The following LDLRAD4 variants were observed in gnomAD, a reference collection of about 807,000 sequenced individuals.
The protein encoded by LDLRAD4 is low density lipoprotein receptor class A domain containing 4, also known as low-density lipoprotein receptor class A domain-containing protein 4.
LDLRAD4 carries 5 observed loss-of-function variants against 17.0 expected under a neutral mutation model. The ratio of observed to expected loss-of-function variants is 0.29; its 90% CI spans 0.15 to 0.62. The LOEUF is 0.62. LDLRAD4 is among the 20% of genes least tolerant of loss of function. The probability of loss-of-function intolerance (pLI) is 0.84; values close to 1 mark genes in which losing one functional copy is unlikely to be tolerated. For missense variants in LDLRAD4, 340 were observed against 424.7 expected, an observed-to-expected ratio of 0.80 and a Z score of 1.75; for synonymous variants, 168 against 171.8, an observed-to-expected ratio of 0.98 and a Z score of 0.17.
At chr18:13,456,621 C>A (rs747647237) in intron 3 of LDLRAD4, among the ~76,000 whole-genome samples, 31 of 152,092 alleles carry the variant, frequency 2.0e-4, no homozygotes, top group Non-Finnish European at 3.1e-4. Flanking sequence ...TATTTTTGGT[C>A]CCTGAATGTC....
At chr18:13,616,960 A>T (rs1601734744) in intron 3 of LDLRAD4, among the ~76,000 whole-genome samples, 1 of 152,128 alleles carries the variant, frequency 6.6e-6, no homozygotes, top group South Asian at 2.1e-4. Flanking sequence ...CTGTAGATGC[A>T]CCTGCCACGG....
intron 1 of LDLRAD4, among the ~76,000 whole-genome samples, chr18:13,305,474 T>C (rs1172339344): frequency 6.6e-6 from 1 of 152,198 alleles, no homozygotes; most frequent in Non-Finnish European, 1.5e-5. Flanking sequence ...ACAGTAAATT[T>C]CATGTCACAG....
chr18:13,316,518 A>T (rs113103555), intron 1 of LDLRAD4, among the ~76,000 whole-genome samples: 1,538 of 152,316 alleles, frequency 0.01, 14 homozygotes, highest in African/African-American at 0.026. Flanking sequence ...GTAGGAGGGA[A>T]TGCAGAGCCA....
chr18:13,642,128 G>A (rs190659646), intron 4 of LDLRAD4: 15,204 of 985,518 alleles, frequency 0.015, 113 homozygotes, highest in Middle Eastern at 0.029. Context: ...CTGGACCGCC[G>A]TATACGTTTG....
At chr18:13,313,441 C>T (rs576945229) in intron 1 of LDLRAD4, among the ~76,000 whole-genome samples, 18 of 152,272 alleles carry the variant, frequency 1.2e-4, no homozygotes, top group East Asian at 3.9e-4. Flanking sequence ...ACCATTCAGA[C>T]GTGCCCTTGA....
chr18:13,459,616 C>T (rs1210464633), intron 3 of LDLRAD4, among the ~76,000 whole-genome samples: 5 of 152,088 alleles, frequency 3.3e-5, no homozygotes, highest in Non-Finnish European at 1.5e-5. Flanking sequence ...CTCCTGGCCT[C>T]AGGTAATCTG....
At chr18:13,539,119 G>GTGCT (rs541694302) in intron 3 of LDLRAD4, among the ~76,000 whole-genome samples, 108 of 152,308 alleles carry the variant, frequency 7.1e-4, no homozygotes, top group Non-Finnish European at 1.3e-3. Flanking sequence ...TCAGAGTAGA[G>GTGCT]TGATTGCTTT....
intron 2 of LDLRAD4, among the ~76,000 whole-genome samples, chr18:13,400,498 G>A (rs570773609): frequency 1.6e-4 from 24 of 152,264 alleles, no homozygotes; most frequent in Admixed American, 1.4e-3. Context: ...GGCTCCAGAC[G>A]GAGCCTTCTC....
intron 1 of LDLRAD4, among the ~76,000 whole-genome samples, chr18:13,320,121 T>C (rs1340062453): frequency 4.6e-5 from 7 of 152,236 alleles, no homozygotes; most frequent in African/African-American, 1.7e-4. Context: ...AGATAACATA[T>C]TTTATTGCAT....
At chr18:13,353,005 C>T (rs1461311442) in intron 1 of LDLRAD4, among the ~76,000 whole-genome samples, 1 of 151,954 alleles carries the variant, frequency 6.6e-6, no homozygotes, top group African/African-American at 2.4e-5. Context: ...AAATCATTTT[C>T]CTGATTTTCT....
chr18:13,577,604 TAGTG>T (rs1489170203), intron 3 of LDLRAD4, among the ~76,000 whole-genome samples: 1 of 151,990 alleles, frequency 6.6e-6, no homozygotes, highest in Non-Finnish European at 1.5e-5. Context: ...TTCTTGGTGA[TAGTG>T]AGGGGAAACG....
intron 1 of LDLRAD4, among the ~76,000 whole-genome samples, chr18:13,326,954 G>C (rs1048194996): frequency 6.6e-6 from 1 of 152,102 alleles, no homozygotes; most frequent in African/African-American, 2.4e-5. Flanking sequence ...AAAATAGCAG[G>C]TGCTGACAGG....
chr18:13,397,488 T>C (rs777750762), intron 2 of LDLRAD4, among the ~76,000 whole-genome samples: 4 of 152,220 alleles, frequency 2.6e-5, no homozygotes, highest in Non-Finnish European at 4.4e-5. Flanking sequence ...GCTGATCTTG[T>C]ATTCCTGACC....
intron 1 of LDLRAD4, among the ~76,000 whole-genome samples, chr18:13,282,469 T>C (rs901480815): frequency 6.6e-6 from 1 of 152,070 alleles, no homozygotes; most frequent in Non-Finnish European, 1.5e-5. Flanking sequence ...ATGGGAGAAA[T>C]TGGCCAAAAC....
At chr18:13,299,929 G>C (rs1378865792) in intron 1 of LDLRAD4, among the ~76,000 whole-genome samples, 1 of 152,184 alleles carries the variant, frequency 6.6e-6, no homozygotes, top group African/African-American at 2.4e-5. Context: ...GGTGGTGGGT[G>C]TTTTAGGGTC....
intron 4 of LDLRAD4, among the ~76,000 whole-genome samples, chr18:13,640,392 C>T (rs983719708): frequency 2.0e-5 from 3 of 151,948 alleles, no homozygotes; most frequent in African/African-American, 7.3e-5. Flanking sequence ...CTGTTACATT[C>T]CTGCAAAAAA....
At chr18:13,423,276 T>G (rs2145894953) in intron 2 of LDLRAD4, among the ~76,000 whole-genome samples, 1 of 152,190 alleles carries the variant, frequency 6.6e-6, no homozygotes, top group African/African-American at 2.4e-5. Flanking sequence ...GCAGATCACC[T>G]GAGTTTGGGA....
At chr18:13,637,965 A>G (rs1378297286) in intron 4 of LDLRAD4, among the ~76,000 whole-genome samples, 5 of 86,522 alleles carry the variant, frequency 5.8e-5, no homozygotes. Flanking sequence ...CTGTGATGAG[A>G]AGAGCTACCT....
Position 13,324,987 on chromosome 18 carries a change from A to G in LDLRAD4, c.-383+46799A>G, listed in dbSNP as rs147108271. 3.9e-5 allele frequency among the ~76,000 whole-genome samples: 6 copies of G among 152,308 alleles called. No homozygotes were observed. The East Asian group carries it at 9.6e-4, about 24-fold the overall frequency. ...CTTGTTCAGTAAATCTGCATTTTAC[A>G]CGGGATAAAGTAAACATAGAGTAGA... On this transcript the variant is annotated intron_variant, in intron 1 of 5. Transcript: ENST00000359446.
Sources: allele counts gnomAD v4.1 joint callset (sites outside exome capture counted in the v4.1 genomes callset), GRCh38; gene constraint gnomAD v4.1.1; transcripts MANE v1.5; gene names NCBI Gene and HGNC (gene_info 2026-07-23, HGNC 2026-07-21).